PIP5K1B: variants seen among roughly 807,000 people sequenced by gnomAD.
PIP5K1B encodes the protein phosphatidylinositol-4-phosphate 5-kinase type 1 beta, also known as phosphatidylinositol 4-phosphate 5-kinase type-1 beta.
Under a neutral mutation model 67.0 loss-of-function variants are expected in PIP5K1B, and 42 were observed. The observed-to-expected ratio is 0.63, with a 90% CI of 0.49 to 0.81. PIP5K1B has a LOEUF of 0.81. Ranked by LOEUF, PIP5K1B falls within the 30% of genes least tolerant of loss-of-function variation. The pLI, the probability that PIP5K1B is intolerant of heterozygous loss-of-function variation, is 0.00. For synonymous variants in PIP5K1B, 214 were observed against 231.4 expected, an observed-to-expected ratio of 0.92 and a Z score of 0.68; for missense variants, 459 against 646.3, an observed-to-expected ratio of 0.71 and a Z score of 3.14.
intron 5 of PIP5K1B, among the ~76,000 whole-genome samples, chr9:68,871,686 A>G (rs754769195): frequency 2.6e-5 from 4 of 152,196 alleles, no homozygotes; most frequent in Non-Finnish European, 5.9e-5. Flanking sequence ...TGGAGCTAAA[A>G]ATGCCCTGAT....
chr9:68,887,969 G>A (rs958191643), intron 6 of PIP5K1B, among the ~76,000 whole-genome samples: 4 of 144,866 alleles, frequency 2.8e-5, no homozygotes, highest in African/African-American at 1.0e-4. Context: ...AGTGGAGACT[G>A]GAATCCAGCC....
chr9:68,759,610 T>TA (rs1830097658), intron 2 of PIP5K1B, among the ~76,000 whole-genome samples: 1 of 152,062 alleles, frequency 6.6e-6, no homozygotes, highest in African/African-American at 2.4e-5. Context: ...GTACATTAGA[T>TA]ATAAATGTTC....
Position 68,889,054 on chromosome 9 carries a change from G to A in PIP5K1B, c.392G>A (p.Ser131Asn). 3.7e-6 allele frequency: 6 copies of A among 1,612,530 alleles called. No homozygotes were observed. Among genetic ancestry groups the A allele is most frequent in the Middle Eastern group, 3.3e-4 (2 of 6,062 alleles). Reference protein sequence around the residue: ...GASGSLFFVTSDDEFIIKTVQ... With the variant: ...GASGSLFFVTNDDEFIIKTVQ... The stretch of plus-strand genomic sequence containing the variant: ...AGTGGATCCTTGTTTTTTGTGACCA[G>A]TGATGATGAATTTATCATCAAAACA... The change falls in exon 7 of 16, where the codon AGT becomes AAT. Residue 131 changes from serine (S) to asparagine (N), a missense_variant. Transcript: ENST00000265382.
At chr9:68,894,833 A>T (rs1824997660) in intron 8 of PIP5K1B, among the ~76,000 whole-genome samples, 195 bp downstream of exon 8, 1 of 152,244 alleles carries the variant, frequency 6.6e-6, no homozygotes, top group African/African-American at 2.4e-5. Flanking sequence ...AGTTATCTAG[A>T]GTCCTTAACC....
intron 15 of PIP5K1B, among the ~76,000 whole-genome samples, chr9:69,002,395 G>A (rs918394873): frequency 2.6e-5 from 4 of 152,136 alleles, no homozygotes; most frequent in Non-Finnish European, 1.5e-5. Context: ...CAGTTCCATA[G>A]CACTGTGATT....
At chr9:68,797,012 G>T (rs1832329707) in intron 2 of PIP5K1B, among the ~76,000 whole-genome samples, 1 of 152,114 alleles carries the variant, frequency 6.6e-6, no homozygotes, top group Non-Finnish European at 1.5e-5. Context: ...TATAAAATAT[G>T]GTGACCATAT....
chr9:68,923,162 A>G (rs1826497070), intron 11 of PIP5K1B, 140 bp from the exon 12 acceptor site: 2 of 657,368 alleles, frequency 3.0e-6, no homozygotes, highest in Non-Finnish European at 5.4e-6. Flanking sequence ...CACGGGCTAC[A>G]GGACATTCCT....
intron 4 of PIP5K1B, among the ~76,000 whole-genome samples, chr9:68,853,639 G>C (rs563430587): frequency 1.3e-5 from 2 of 152,154 alleles, no homozygotes; most frequent in African/African-American, 4.8e-5. Flanking sequence ...GGGTGTTCCA[G>C]GCAAATGATA....
intron 14 of PIP5K1B, among the ~76,000 whole-genome samples, chr9:68,959,560 A>T (rs1226921738): frequency 6.6e-6 from 1 of 151,892 alleles, no homozygotes; most frequent in Non-Finnish European, 1.5e-5. Context: ...TTTTGTTCTC[A>T]CTTTGGAAGA....
At chr9:68,944,909 C>A (rs979905076) in intron 14 of PIP5K1B, among the ~76,000 whole-genome samples, 1 of 152,134 alleles carries the variant, frequency 6.6e-6, no homozygotes, top group Non-Finnish European at 1.5e-5. Flanking sequence ...ATGGTATATC[C>A]GAGCGTGTTA....
rs545659757 is a variant in PIP5K1B, at chr9:68,715,750, A to T, written c.-243+9988A>T. Among the ~76,000 whole-genome samples, 3 of 152,284 alleles carry T rather than the reference A, an allele frequency of 2.0e-5. No individual in the cohort carries two copies. The East Asian group carries it at 5.8e-4, about 29-fold the overall frequency. Reference sequence around the variant, plus strand: ...AAAAAAATCCTTTTCGTAAATTCCCACTAAAGAAAGGAAATGCACAGAGAT... The same window carrying T: ...AAAAAAATCCTTTTCGTAAATTCCCTCTAAAGAAAGGAAATGCACAGAGAT... On this transcript the variant is annotated intron_variant, in intron 1 of 15. Transcript: ENST00000265382.
intron 2 of PIP5K1B, among the ~76,000 whole-genome samples, chr9:68,787,973 C>CT (rs1251435185): frequency 1.3e-5 from 2 of 152,198 alleles, no homozygotes; most frequent in African/African-American, 2.4e-5. Flanking sequence ...ACAAAGAAGT[C>CT]TTTCGTCAGC....
chr9:68,985,827 CTGTT>C (rs1419782545), intron 14 of PIP5K1B, among the ~76,000 whole-genome samples: 1 of 152,218 alleles, frequency 6.6e-6, no homozygotes. Flanking sequence ...TTAGATTTGT[CTGTT>C]CTTAGACATT....
chr9:68,993,189 G>T (rs1055315587), intron 15 of PIP5K1B, among the ~76,000 whole-genome samples: 2 of 150,592 alleles, frequency 1.3e-5, no homozygotes, highest in South Asian at 4.2e-4. Context: ...TCCAGGCCCT[G>T]CATGGTCTGG....
chr9:68,806,942 GTT>G (rs10550941), intron 2 of PIP5K1B, among the ~76,000 whole-genome samples: 50,076 of 130,514 alleles, frequency 0.38, 8,364 homozygotes, highest in African/African-American at 0.49. Flanking sequence ...TTTGGCCTTG[GTT>G]TTTTTTTTTT....
At chr9:68,903,824 A>G (rs1043803808) in intron 8 of PIP5K1B, among the ~76,000 whole-genome samples, 5 of 152,238 alleles carry the variant, frequency 3.3e-5, no homozygotes, top group African/African-American at 9.6e-5. Flanking sequence ...GATATAACCT[A>G]TAGATACCAA....
At chr9:68,852,320 A>G (rs1822532935) in intron 4 of PIP5K1B, among the ~76,000 whole-genome samples, 1 of 152,018 alleles carries the variant, frequency 6.6e-6, no homozygotes, top group Non-Finnish European at 1.5e-5. Flanking sequence ...CTTGAGGCAA[A>G]ATGTACCTTG....
At chr9:68,812,127 A>C (rs1833201488) in intron 2 of PIP5K1B, among the ~76,000 whole-genome samples, 1 of 152,228 alleles carries the variant, frequency 6.6e-6, no homozygotes, top group Admixed American at 6.5e-5. Context: ...GCCTCACAGC[A>C]AGAGAGCCCA....
At position 68,747,020 on chromosome 9, in the gene PIP5K1B, T is replaced by C. The variant is rs141473521; in HGVS notation, c.-86+4363T>C. Among the ~76,000 whole-genome samples, 24 of 152,174 alleles carry C rather than the reference T, an allele frequency of 1.6e-4. No homozygotes were observed. In the East Asian group the frequency reaches 4.6e-3, roughly 29 times the overall value. On this transcript the variant is annotated intron_variant, in intron 2 of 15. Coordinates refer to ENST00000265382, the MANE Select transcript of PIP5K1B (RefSeq NM_003558.4). ...TGTCTTTCTCCTTAGGAATAGAAGC[T>C]GGATTCTGAAGGAAGGCGCTGGACT...
Sources: gnomAD v4.1 joint callset for allele counts (sites outside exome capture counted in the v4.1 genomes callset) on GRCh38, gnomAD v4.1.1 for gene constraint, MANE v1.5 for transcripts, NCBI Gene and HGNC (gene_info 2026-07-23, HGNC 2026-07-21) for gene names.